The following MCTP1 variants were observed in gnomAD, a reference collection of about 807,000 sequenced individuals.
MCTP1 encodes multiple C2 and transmembrane domain-containing protein 1.
MCTP1 carries 69 observed loss-of-function variants against 120.6 expected under a neutral mutation model. The observed-to-expected ratio is 0.57, with a 90% confidence interval of 0.47 to 0.70. The LOEUF (loss-of-function observed/expected upper bound fraction) is 0.70, where lower values mean the gene tolerates loss of function less well. Ranked by LOEUF, MCTP1 falls within the 30% of genes least tolerant of loss-of-function variation. The pLI, the probability that MCTP1 is intolerant of heterozygous loss-of-function variation, is 0.00. For missense variants in MCTP1, 1,203 were observed against 1,248.8 expected (o/e 0.96, Z 0.55); for synonymous variants, 529 against 493.1 (o/e 1.07, Z -0.96).
chr5:94,766,598 AC>A (rs1272717236), intron 19 of MCTP1, among the ~76,000 whole-genome samples: 4 of 152,146 alleles, frequency 2.6e-5, no homozygotes, highest in Admixed American at 6.5e-5. Context: ...GATGCAGCAC[AC>A]CAACATGGCA....
intron 1 of MCTP1, among the ~76,000 whole-genome samples, chr5:95,126,316 CA>C (rs1450070539): frequency 6.6e-6 from 1 of 152,164 alleles, no homozygotes; most frequent in Non-Finnish European, 1.5e-5. Context: ...GAAAGTACAA[CA>C]GTTATATCTG....
intron 1 of MCTP1, among the ~76,000 whole-genome samples, chr5:95,124,812 C>A (rs1758503592): frequency 6.6e-6 from 1 of 152,154 alleles, no homozygotes; most frequent in Admixed American, 6.5e-5. Flanking sequence ...GGTTGGAGAC[C>A]TCAAAGATAT....
chr5:94,948,396 T>C (rs1819645812), intron 3 of MCTP1, among the ~76,000 whole-genome samples: 1 of 152,208 alleles, frequency 6.6e-6, no homozygotes, highest in African/African-American at 2.4e-5. Flanking sequence ...ACTTCCCATA[T>C]TCTTTGCCCA....
At chr5:94,761,900 ACTT>A (rs1028622535) in intron 19 of MCTP1, among the ~76,000 whole-genome samples, 6 of 152,146 alleles carry the variant, frequency 3.9e-5, no homozygotes, top group Non-Finnish European at 8.8e-5. Flanking sequence ...CTCTTGAAAT[ACTT>A]GCTTTAGGAT....
At chr5:94,763,820 A>G (rs149863679) in intron 19 of MCTP1, among the ~76,000 whole-genome samples, 1 of 152,198 alleles carries the variant, frequency 6.6e-6, no homozygotes, top group Admixed American at 6.5e-5. Flanking sequence ...AAGAAAAAAA[A>G]TTTTAAAACT....
chr5:95,230,456 C>T (rs1754805911), intron 1 of MCTP1, among the ~76,000 whole-genome samples: 1 of 152,112 alleles, frequency 6.6e-6, no homozygotes, highest in Non-Finnish European at 1.5e-5. Flanking sequence ...TGTGCTCCAT[C>T]TTTATTCTCA....
At chr5:95,155,040 G>A (rs191358) in intron 1 of MCTP1, among the ~76,000 whole-genome samples, 116,189 of 152,022 alleles carry the variant, frequency 0.76, 44,748 homozygotes, top group Non-Finnish European at 0.82. Context: ...ATGAACAAAA[G>A]CAAAAGAGAT....
At chr5:95,054,640 A>C (rs1366990096) in intron 1 of MCTP1, among the ~76,000 whole-genome samples, 1 of 152,220 alleles carries the variant, frequency 6.6e-6, no homozygotes, top group Non-Finnish European at 1.5e-5. Flanking sequence ...CACACCAGTC[A>C]GTAACTATAA....
intron 1 of MCTP1, among the ~76,000 whole-genome samples, chr5:95,191,539 T>G (rs1251855958): frequency 6.6e-6 from 1 of 152,024 alleles, no homozygotes; most frequent in Non-Finnish European, 1.5e-5. Context: ...TTTTATTTTC[T>G]ATCACTATAA....
intron 1 of MCTP1, among the ~76,000 whole-genome samples, chr5:95,094,884 T>A (rs1756110153): frequency 6.6e-6 from 1 of 152,036 alleles, no homozygotes; most frequent in Admixed American, 6.6e-5. Context: ...CTTTCTGTAG[T>A]ATACAAACAC....
chr5:94,765,112 T>C (rs946799768), intron 19 of MCTP1, among the ~76,000 whole-genome samples: 1 of 151,924 alleles, frequency 6.6e-6, no homozygotes, highest in Middle Eastern at 3.2e-3. Flanking sequence ...ACTGTATAAA[T>C]ATATGGAAAG....
At chr5:94,858,616 T>C (rs145076045) in intron 17 of MCTP1, among the ~76,000 whole-genome samples, 33 of 151,812 alleles carry the variant, frequency 2.2e-4, no homozygotes, top group Admixed American at 9.2e-4. Flanking sequence ...TTCTTCTCAT[T>C]GTTGCTGTCT....
chr5:95,022,494 A>G (rs1838393356), intron 1 of MCTP1, among the ~76,000 whole-genome samples: 1 of 152,182 alleles, frequency 6.6e-6, no homozygotes, highest in Admixed American at 6.6e-5. Context: ...CATATTTGTC[A>G]TTTTAAATTA....
At chr5:95,044,369 A>G (rs183706451) in intron 1 of MCTP1, among the ~76,000 whole-genome samples, 29 of 152,334 alleles carry the variant, frequency 1.9e-4, no homozygotes, top group South Asian at 1.0e-3. Flanking sequence ...AGTTCTGCTC[A>G]ACAGAACAGA....
intron 17 of MCTP1, among the ~76,000 whole-genome samples, chr5:94,831,681 T>C (rs1234079040): frequency 6.6e-6 from 1 of 152,172 alleles, no homozygotes; most frequent in Non-Finnish European, 1.5e-5. Flanking sequence ...GTAATGAAAT[T>C]TGCTAAGCTT....
At chr5:95,099,974 G>A (rs984097881) in intron 1 of MCTP1, among the ~76,000 whole-genome samples, 20 of 151,912 alleles carry the variant, frequency 1.3e-4, no homozygotes, top group Non-Finnish European at 7.4e-5. Context: ...TCCTTTGTAG[G>A]GACATGGATG....
rs963447427 is a variant in MCTP1, at chr5:94,704,686, A to G, written c.*2810T>C. On this transcript the variant is annotated 3_prime_UTR_variant, in exon 23 of 23. Coordinates refer to ENST00000515393, the MANE Select transcript of MCTP1 (RefSeq NM_024717.7). ...ACAATCATTGGTTTGACCGTTGTCT[A>G]TAACAGGGTCATACAGTTGGTATTC... 1.3e-5 allele frequency: 2 copies of G among 151,244 alleles called. No individual in the cohort carries two copies. Among genetic ancestry groups the G allele is most frequent in the Non-Finnish European group, 3.0e-5 (2 of 67,536 alleles). 9.4% of individuals were successfully genotyped at this position (151,244 alleles called of 1,614,324 possible). A position where few individuals can be genotyped will look rare whatever the true frequency, so the allele number is the denominator to read the frequency against.
At chr5:95,243,652 G>C (rs770274775) in intron 1 of MCTP1, among the ~76,000 whole-genome samples, 1 of 152,184 alleles carries the variant, frequency 6.6e-6, no homozygotes, top group Non-Finnish European at 1.5e-5. Flanking sequence ...CAAAACTGGA[G>C]AGAGAGACAC....
chr5:94,809,843 C>T (rs1467065954), intron 17 of MCTP1, among the ~76,000 whole-genome samples: 1 of 152,102 alleles, frequency 6.6e-6, no homozygotes, highest in African/African-American at 2.4e-5. Context: ...CTGAAGCTTG[C>T]CTTTCTCTAG....
Sources: allele counts gnomAD v4.1 joint callset (sites outside exome capture counted in the v4.1 genomes callset), GRCh38; gene constraint gnomAD v4.1.1; transcripts MANE v1.5; gene names NCBI Gene and HGNC (gene_info 2026-07-23, HGNC 2026-07-21).